Variants in TJP1 observed in about 807,000 individuals in gnomAD.
TJP1 encodes the protein tight junction protein ZO-1.
In TJP1, 43 loss-of-function variants were observed where a neutral mutation model predicts 194.2. The ratio of observed to expected loss-of-function variants is 0.22; its 90% CI spans 0.17 to 0.29. TJP1 has a LOEUF of 0.29. Among genes scored for constraint, TJP1 ranks in the 10% least tolerant of loss-of-function variants. The pLI, the probability that TJP1 is intolerant of heterozygous loss-of-function variation, is 1.00. For missense variants in TJP1, 1,971 were observed against 2,185.7 expected, an observed-to-expected ratio of 0.90 and a Z score of 1.96; for synonymous variants, 801 against 779.0, an observed-to-expected ratio of 1.03 and a Z score of -0.47.
chr15:29,902,326 T>C (rs1385944924), intron 2 of TJP1, among the ~76,000 whole-genome samples: 1 of 152,180 alleles, frequency 6.6e-6, no homozygotes, highest in Non-Finnish European at 1.5e-5. Context: ...CCAGTATCAT[T>C]AGTTTGAAGT....
chr15:29,734,544 C>T (rs2043898013), intron 11 of TJP1, among the ~76,000 whole-genome samples, 162 bp from the exon 12 acceptor site: 2 of 150,122 alleles, frequency 1.3e-5, no homozygotes, highest in South Asian at 4.2e-4. Flanking sequence ...AGTGCAATGG[C>T]ACGATCTCAG....
At chr15:29,864,620 GA>G (rs1259048315) in intron 2 of TJP1, among the ~76,000 whole-genome samples, 1 of 152,110 alleles carries the variant, frequency 6.6e-6, no homozygotes, top group Non-Finnish European at 1.5e-5. Flanking sequence ...CATATAAGAG[GA>G]AAAAGGGCAG....
chr15:29,741,680 C>T (rs966600302), intron 9 of TJP1, among the ~76,000 whole-genome samples: 6 of 152,002 alleles, frequency 3.9e-5, no homozygotes, highest in Non-Finnish European at 7.4e-5. Flanking sequence ...TCTTTAAGAA[C>T]GAATAACAAA....
chr15:29,828,942 G>A (rs1166462505), intron 2 of TJP1, among the ~76,000 whole-genome samples: 1 of 151,974 alleles, frequency 6.6e-6, no homozygotes, highest in East Asian at 1.9e-4. Flanking sequence ...TAGTAGAGAC[G>A]GGGTTTCACC....
At chr15:29,909,338 CA>C (rs11353216) in intron 2 of TJP1, among the ~76,000 whole-genome samples, 38,031 of 93,024 alleles carry the variant, frequency 0.41, 5,250 homozygotes, top group Middle Eastern at 0.48. Context: ...ACTTCATCTC[CA>C]AAAAAAAAAA....
chr15:29,711,992 T>C (rs1482261370), intron 23 of TJP1, among the ~76,000 whole-genome samples: 1 of 152,224 alleles, frequency 6.6e-6, no homozygotes, highest in African/African-American at 2.4e-5. Context: ...TTTTACAAGG[T>C]TCATTTAAGT....
intron 8 of TJP1, among the ~76,000 whole-genome samples, chr15:29,760,581 C>T (rs1334875601): frequency 2.0e-5 from 3 of 152,072 alleles, no homozygotes; most frequent in Admixed American, 2.0e-4. Context: ...TTCACCATGT[C>T]GGCCAGGCTG....
At chr15:29,728,145 G>C in intron 15 of TJP1, 126 bp from the exon 16 acceptor site, 1 of 678,868 alleles carries the variant, frequency 1.5e-6, no homozygotes, top group Non-Finnish European at 2.6e-6. Flanking sequence ...ACTGTCTTAT[G>C]CATGCAGTAC....
upstream of TJP1, chr15:29,823,149 C>T (rs2050533366): frequency 6.6e-6 from 1 of 152,216 alleles, no homozygotes; most frequent in African/African-American, 2.4e-5. Flanking sequence ...CTTTCCCGCC[C>T]ATCTAGACAG....
chr15:29,821,857 C>T, intron 1 of TJP1, 145 bp downstream of exon 1: 5 of 796,180 alleles, frequency 6.3e-6, no homozygotes, highest in Non-Finnish European at 7.6e-6. Context: ...GCCCGCGGCC[C>T]GCGGCCCCGC....
chr15:29,702,043 T>C (rs1033648451), intron 27 of TJP1, among the ~76,000 whole-genome samples: 3 of 152,194 alleles, frequency 2.0e-5, no homozygotes, highest in African/African-American at 7.2e-5. Context: ...GGCAATCTTA[T>C]GCCTGGGACA....
chr15:29,816,499 G>A (rs571364858), intron 1 of TJP1, among the ~76,000 whole-genome samples: 1 of 152,270 alleles, frequency 6.6e-6, no homozygotes, highest in South Asian at 2.1e-4. Flanking sequence ...AACCATGATG[G>A]TCTAAAATGC....
intron 1 of TJP1, 26 bp from the exon 2 acceptor site, chr15:29,800,728 C>A (rs777069515): frequency 1.2e-5 from 19 of 1,610,416 alleles, no homozygotes; most frequent in East Asian, 4.5e-5. Flanking sequence ...AAAAACAAAT[C>A]ATTTACCTTT....
At position 29,718,069 on chromosome 15, in the gene TJP1, T is replaced by G; in HGVS notation, c.3926A>C (p.Lys1309Thr). 1.9e-6 allele frequency: 3 copies of G among 1,613,110 alleles called. No homozygotes were observed. Among genetic ancestry groups the G allele is most frequent in the Non-Finnish European group, 2.5e-6 (3 of 1,179,874 alleles). Residue 1309 changes from lysine to threonine, a missense_variant, in exon 22 of 28, where the codon AAA (lysine) becomes ACA (threonine). By Grantham distance (78) the Lys-to-Thr change is moderately conservative. Around this residue, in one of 5 missense-constraint regions of TJP1, gnomAD observed 1,108 missense variants for 1,128.5 expected, o/e 0.98. Coordinates refer to ENST00000614355, the MANE Select transcript of TJP1 (RefSeq NM_001330239.4). ...KPSGAPIIGP[K>T]PTSQNQFSEH... is the part of the protein sequence containing the mutation. ...ACTGAATTGATTCTGAGAAGTGGGT[T>G]TGGGACCAATGATGGGAGCACCTGA...
chr15:29,843,507 C>T (rs972342702), intron 2 of TJP1, among the ~76,000 whole-genome samples: 13 of 152,220 alleles, frequency 8.5e-5, no homozygotes, highest in African/African-American at 3.1e-4. Flanking sequence ...ATTTTTCTAT[C>T]AATGCAAAGT....
intron 5 of TJP1, among the ~76,000 whole-genome samples, chr15:29,765,883 C>A (rs2046299964): frequency 6.6e-6 from 1 of 152,048 alleles, no homozygotes; most frequent in Middle Eastern, 3.4e-3. Context: ...CAGAGCCAGA[C>A]CTTGTAACAA....
chr15:29,915,805 T>G (rs1213306797), intron 2 of TJP1, among the ~76,000 whole-genome samples: 1 of 150,218 alleles, frequency 6.7e-6, no homozygotes, highest in African/African-American at 2.4e-5. Context: ...GTAGCTACTT[T>G]CTTTGTTTTG....
At chr15:29,921,891 C>A (rs1022087000) in intron 2 of TJP1, among the ~76,000 whole-genome samples, 1 of 150,290 alleles carries the variant, frequency 6.7e-6, no homozygotes, top group Non-Finnish European at 1.5e-5. Flanking sequence ...GTTGCCCAGG[C>A]TGGAGTACAA....
chr15:29,928,225 A>G (rs1454595844), intron 2 of TJP1, among the ~76,000 whole-genome samples: 1 of 152,206 alleles, frequency 6.6e-6, no homozygotes, highest in Non-Finnish European at 1.5e-5. Flanking sequence ...AAAAGATGAG[A>G]TTGTTTTGGC....
Sources: gnomAD v4.1 joint callset for allele counts (sites outside exome capture counted in the v4.1 genomes callset) on GRCh38, gnomAD v4.1.1 for gene constraint, gnomAD v4.1.1 regional missense constraint, MANE v1.5 for transcripts, NCBI Gene and HGNC (gene_info 2026-07-23, HGNC 2026-07-21) for gene names.